Variants in PLA2G2A observed in about 807,000 individuals in gnomAD.
PLA2G2A encodes phospholipase A2 group IIA.
PLA2G2A carries 6 observed loss-of-function variants against 11.2 expected under a neutral mutation model. The observed-to-expected ratio is 0.54, with a 90% CI of 0.29 to 1.06. PLA2G2A has a LOEUF of 1.06. Among genes scored for constraint, PLA2G2A ranks in the 50% least tolerant of loss-of-function variants. The pLI is 0.08. For missense variants in PLA2G2A, 133 were observed against 177.1 expected (o/e 0.75, Z 1.41); for synonymous variants, 69 against 65.8 (o/e 1.05, Z -0.23).
chr1:19,979,989 C>A (rs11573153), upstream of PLA2G2A, among the ~76,000 whole-genome samples: 88 of 152,308 alleles, frequency 5.8e-4, no homozygotes, highest in Non-Finnish European at 1.1e-3. Context: ...AAAGGGACTA[C>A]CAATTGCTGA....
upstream of PLA2G2A, chr1:19,980,241 ATTC>A (rs1328949079): frequency 6.6e-6 from 1 of 151,980 alleles, no homozygotes; most frequent in Non-Finnish European, 1.5e-5. Context: ...TTCTCTTCTT[ATTC>A]TTCTTTCTTC....
chr1:19,978,676 A>G (rs1557703518), intron 2 of PLA2G2A, 58 bp downstream of exon 2: 2 of 1,601,068 alleles, frequency 1.2e-6, no homozygotes, highest in Non-Finnish European at 8.6e-7. Flanking sequence ...CTAAGGGACA[A>G]GAGTGCTTCC....
At chr1:19,978,867 C>T (rs2046263404) in exon 2 of PLA2G2A, 3 of 1,168,744 alleles carry the variant, frequency 2.6e-6, no homozygotes, top group African/African-American at 1.5e-5. Flanking sequence ...TCCCCTGCTC[C>T]TCCTTGGTGG....
At chr1:19,977,635 T>C (rs2046238747) in intron 4 of PLA2G2A, among the ~76,000 whole-genome samples, 1 of 152,232 alleles carries the variant, frequency 6.6e-6, no homozygotes, top group African/African-American at 2.4e-5. Context: ...GGCTCAGCAC[T>C]GCTCCTCTTC....
At chr1:19,980,250 T>C (rs1571228224), upstream of PLA2G2A, 2 of 152,218 alleles carry the variant, frequency 1.3e-5, no homozygotes, top group South Asian at 2.1e-4. Flanking sequence ...TATTCTTCTT[T>C]CTTCTTTTCC....
intron 4 of PLA2G2A, among the ~76,000 whole-genome samples, chr1:19,977,314 C>T (rs2046234454): frequency 6.6e-6 from 1 of 152,196 alleles, no homozygotes; most frequent in South Asian, 2.1e-4. Flanking sequence ...CCATCCCTCC[C>T]AACTCAGTCA....
In PLA2G2A at chr1:19,978,255, C is replaced by T. The variant is rs576262638; in HGVS notation, c.185+125G>A. 93 of 1,375,174 alleles carry T rather than the reference C, an allele frequency of 6.8e-5. 1 individual carries two copies. In the South Asian group the frequency reaches 8.8e-4, roughly 13 times the overall value. The allele number at this position is 1,375,174 out of a possible 1,614,324, so 85.2% of individuals were successfully genotyped here. On this transcript the variant is annotated intron_variant, in intron 3 of 4. Coordinates refer to ENST00000482011, the Ensembl canonical transcript of PLA2G2A. ...GTCTAGAGCAGAAGTTCCAACATGC[C>T]GGCTGCTTTTCCAGCCAGGCCATCC...
downstream of PLA2G2A, chr1:19,975,671 T>C (rs752114767): frequency 6.2e-7 from 1 of 1,608,358 alleles, no homozygotes; most frequent in South Asian, 1.1e-5. Flanking sequence ...AATTCAGCAC[T>C]GGGTGGAAGG....
downstream of PLA2G2A, chr1:19,975,619 A>C: frequency 1.5e-6 from 2 of 1,339,858 alleles, no homozygotes; most frequent in Non-Finnish European, 2.1e-6. Context: ...TGCATGGCCA[A>C]GGAACTTGGT....
At chr1:19,979,076 C>T in intron 1 of PLA2G2A, 197 bp from the exon 2 acceptor site, 1 of 489,182 alleles carries the variant, frequency 2.0e-6, no homozygotes, top group Non-Finnish European at 3.7e-6. Flanking sequence ...TGGAGAACCC[C>T]ATGATACACT....
At chr1:19,976,553 G>C (rs2046222361) in intron 4 of PLA2G2A, among the ~76,000 whole-genome samples, 1 of 152,208 alleles carries the variant, frequency 6.6e-6, no homozygotes, top group Non-Finnish European at 1.5e-5. Flanking sequence ...TTGGCATCAT[G>C]TGGCTTGTGA....
At chr1:19,979,082 A>C in intron 1 of PLA2G2A, 1 of 473,588 alleles carries the variant, frequency 2.1e-6, no homozygotes, top group Non-Finnish European at 3.9e-6. Context: ...ACCCCATGAT[A>C]CACTAATGAG....
chr1:19,975,733 T>C lies in PLA2G2A; in HGVS notation c.403A>G (p.Lys135Glu). 2 of 1,613,906 alleles carry C rather than the reference T, an allele frequency of 1.2e-6. No homozygotes were observed. The highest frequency in any genetic ancestry group is 1.7e-6 in the Non-Finnish European group (2 of 1,179,788). Reference sequence around the variant, plus strand: ...CGAGGGGTGCTCCCTCTGCAGTGTTTATTGGAATAGTACTGGTACTTTTTA... The same window carrying C: ...CGAGGGGTGCTCCCTCTGCAGTGTTCATTGGAATAGTACTGGTACTTTTTA... Residue 135 changes from lysine to glutamate, a missense_variant, in exon 5 of 5, where the codon AAA becomes GAA. Lys to Glu is a moderately conservative substitution (Grantham distance 56). Coordinates refer to ENST00000482011, the Ensembl canonical transcript of PLA2G2A.
exon 2 of PLA2G2A, chr1:19,978,759 T>G (rs1293995085): frequency 1.9e-6 from 3 of 1,613,968 alleles, no homozygotes; most frequent in Non-Finnish European, 2.5e-6. Flanking sequence ...CTGCCAACAG[T>G]AGGAGGGTCT....
chr1:19,978,031 C>G, exon 4 of PLA2G2A: 2 of 1,608,260 alleles, frequency 1.2e-6, no homozygotes, highest in Non-Finnish European at 1.7e-6. Context: ...TGATTCTGCT[C>G]CCCGAGTTGC....
At chr1:19,977,977 C>T in intron 4 of PLA2G2A, 38 bp downstream of exon 4, 1 of 1,232,434 alleles carries the variant, frequency 8.1e-7, no homozygotes, top group Non-Finnish European at 1.2e-6. Context: ...ACTGTCTAAA[C>T]AAATGAGGGC....
chr1:19,976,809 C>T (rs1384423913), intron 4 of PLA2G2A, among the ~76,000 whole-genome samples: 1 of 152,218 alleles, frequency 6.6e-6, no homozygotes, highest in African/African-American at 2.4e-5. Context: ...CCATCAGCCC[C>T]CACCTGGTCT....
At chr1:19,977,262 G>A (rs1003835805) in intron 4 of PLA2G2A, among the ~76,000 whole-genome samples, 1 of 152,138 alleles carries the variant, frequency 6.6e-6, no homozygotes, top group Admixed American at 6.5e-5. Context: ...TCACAGTTGT[G>A]CCATCCATGC....
downstream of PLA2G2A, chr1:19,975,606 T>G (rs1331621767): frequency 5.0e-6 from 6 of 1,190,090 alleles, no homozygotes; most frequent in Non-Finnish European, 7.5e-6. Flanking sequence ...GAGGGATGCT[T>G]TCTGCATGGC....
Sources: gnomAD v4.1 joint callset for allele counts (sites outside exome capture counted in the v4.1 genomes callset) on GRCh38, gnomAD v4.1.1 for gene constraint, MANE v1.5 for transcripts, NCBI Gene and HGNC (gene_info 2026-07-23, HGNC 2026-07-21) for gene names.